SPRYD4: variants seen among roughly 807,000 people sequenced by gnomAD.
The protein encoded by SPRYD4 is SPRY domain containing 4.
Under a neutral mutation model 16.6 loss-of-function variants are expected in SPRYD4, and 12 were observed. That is an observed-to-expected ratio of 0.72 (90% confidence interval 0.46 to 1.17). SPRYD4 has a LOEUF of 1.17. SPRYD4 is among the 50% of genes most tolerant of loss of function. The pLI is 0.00. For synonymous variants in SPRYD4, 98 were observed against 105.4 expected, an observed-to-expected ratio of 0.93 and a Z score of 0.43; for missense variants, 260 against 260.2, an observed-to-expected ratio of 1.00 and a Z score of 0.00.
At position 56,477,392 on chromosome 12, in the gene SPRYD4, T is replaced by C. The variant is rs1013701273; in HGVS notation, c.*7815T>C. The C allele has an allele frequency of 4.9e-5, 16 of 323,708 alleles. No homozygotes were observed. The Admixed American group carries it at 7.2e-4, about 15-fold the overall frequency. 20.1% of individuals were successfully genotyped at this position (323,708 alleles called of 1,614,324 possible). On this transcript the variant is annotated 3_prime_UTR_variant, in exon 2 of 2. Coordinates refer to ENST00000338146, the MANE Select transcript of SPRYD4 (RefSeq NM_207344.4). ...AGGCAGGGGTCAGGACCTGCTCACT[T>C]CTCTAAGGGTCAGAAAGCTCTAGGC...
Position 56,473,854 on chromosome 12 carries a change from T to C in SPRYD4, c.*4277T>C, listed in dbSNP as rs190183162. The C allele has an allele frequency of 8.6e-4, 339 of 393,604 alleles. 1 individual carries two copies. The East Asian group carries it at 0.011, about 13-fold the overall frequency. 24.4% of individuals were successfully genotyped at this position (393,604 alleles called of 1,614,324 possible). On this transcript the variant is annotated 3_prime_UTR_variant, in exon 2 of 2. Coordinates refer to ENST00000338146, the MANE Select transcript of SPRYD4 (RefSeq NM_207344.4). ...GTGCTAGAACTAGGAACTTCCATTC[T>C]GGTGTTAGGAGATAGGTAATAAACA...
At position 56,477,963 on chromosome 12, in the gene SPRYD4, G is replaced by A. The variant is rs750601118; in HGVS notation, c.*8386G>A. 11 of 1,613,862 alleles carry A rather than the reference G, an allele frequency of 6.8e-6. No homozygotes were observed. The highest frequency in any genetic ancestry group is 1.3e-5 in the African/African-American group (1 of 74,948). ...TCATTGAGGGAGAGCTTGTTGTAGC[G>A]CAGGCCACTTGGCTCTTTGCCCACA... On this transcript the variant is annotated 3_prime_UTR_variant, in exon 2 of 2. Coordinates refer to ENST00000338146, the MANE Select transcript of SPRYD4 (RefSeq NM_207344.4).
At position 56,475,811 on chromosome 12, in the gene SPRYD4, C is replaced by A; in HGVS notation, c.*6234C>A. On this transcript the variant is annotated 3_prime_UTR_variant, in exon 2 of 2. Transcript: ENST00000338146. ...TTCCTCTCTGAGGCCAGCAGATTTC[C>A]ACATTTCTGGAAATAAGGCTTCTAG... 2 of 1,410,900 alleles carry A rather than the reference C, an allele frequency of 1.4e-6. No homozygotes were observed. Among genetic ancestry groups the A allele is most frequent in the Non-Finnish European group, 2.0e-6 (2 of 1,000,204 alleles). The allele number at this position is 1,410,900 out of a possible 1,614,324, so 87.4% of individuals were successfully genotyped here.
At position 56,472,003 on chromosome 12, in the gene SPRYD4, G is replaced by C; in HGVS notation, c.*2426G>C. 2 of 1,322,180 alleles carry C rather than the reference G, an allele frequency of 1.5e-6. No individual in the cohort carries two copies. Among genetic ancestry groups the C allele is most frequent in the East Asian group, 2.3e-5 (1 of 43,266 alleles). 81.9% of individuals were successfully genotyped at this position (1,322,180 alleles called of 1,614,324 possible). A position where few individuals can be genotyped will look rare whatever the true frequency, so the allele number is the denominator to read the frequency against. On this transcript the variant is annotated 3_prime_UTR_variant, in exon 2 of 2. Coordinates refer to ENST00000338146, the MANE Select transcript of SPRYD4 (RefSeq NM_207344.4). ...CTAGCTGCAAACCGAAGGGTGTCTA[G>C]ATAAAACTAGTTGCTGCCCCTATAA...
chr12:56,476,060 A>G lies in SPRYD4; in HGVS notation c.*6483A>G. ...GGTCAGAAGGATCTAGTGGAGTTCTAGTGTTAGTCTGGTCCTGCTGCTGCA... is the reference window on the plus strand; with the variant it reads ...GGTCAGAAGGATCTAGTGGAGTTCTGGTGTTAGTCTGGTCCTGCTGCTGCA... On this transcript the variant is annotated 3_prime_UTR_variant, in exon 2 of 2. Coordinates refer to ENST00000338146, the MANE Select transcript of SPRYD4 (RefSeq NM_207344.4). 1 of 1,361,924 alleles carries G rather than the reference A, an allele frequency of 7.3e-7. No individual in the cohort carries two copies. Among genetic ancestry groups the G allele is most frequent in the Non-Finnish European group, 1.0e-6 (1 of 964,406 alleles). 84.4% of individuals were successfully genotyped at this position (1,361,924 alleles called of 1,614,324 possible). A position where few individuals can be genotyped will look rare whatever the true frequency, so the allele number is the denominator to read the frequency against.
chr12:56,475,277 ACACT>A lies in SPRYD4; in HGVS notation c.*5703_*5706del. On this transcript the variant is annotated 3_prime_UTR_variant, in exon 2 of 2. Transcript: ENST00000338146. ...AGAGGAAATTTCTGAACCTGAGCAAACACTCAGCATAGTTTTGTTATAAAGTAAA... is the reference window on the plus strand; with the variant it reads ...AGAGGAAATTTCTGAACCTGAGCAAACAGCATAGTTTTGTTATAAAGTAAA... The A allele has an allele frequency of 6.6e-7, 1 of 1,511,532 alleles. No individual in the cohort carries two copies. The allele number at this position is 1,511,532 out of a possible 1,614,324, so 93.6% of individuals were successfully genotyped here. A position where few individuals can be genotyped will look rare whatever the true frequency, so the allele number is the denominator to read the frequency against.
In SPRYD4 at chr12:56,479,618, G is replaced by T; in HGVS notation, c.*10041G>T. The stretch of plus-strand genomic sequence containing the variant: ...AAAGGAGAACATGTATTTCTATATT[G>T]TTTGAACTCTTATGATGAGTATTCA... On this transcript the variant is annotated 3_prime_UTR_variant, in exon 2 of 2. Coordinates refer to ENST00000338146, the MANE Select transcript of SPRYD4 (RefSeq NM_207344.4). 1.2e-6 allele frequency: 1 copy of T among 817,032 alleles called. No homozygotes were observed. Among genetic ancestry groups the T allele is most frequent in the Non-Finnish European group, 1.7e-6 (1 of 572,988 alleles). 50.6% of individuals were successfully genotyped at this position (817,032 alleles called of 1,614,324 possible). A position where few individuals can be genotyped will look rare whatever the true frequency, so the allele number is the denominator to read the frequency against.
Position 56,479,355 on chromosome 12 carries a change from A to C in SPRYD4, c.*9778A>C. The C allele has an allele frequency of 1.5e-6, 1 of 687,792 alleles. No homozygotes were observed. The allele number at this position is 687,792 out of a possible 1,614,324, so 42.6% of individuals were successfully genotyped here. A position where few individuals can be genotyped will look rare whatever the true frequency, so the allele number is the denominator to read the frequency against. On this transcript the variant is annotated 3_prime_UTR_variant, in exon 2 of 2. Coordinates refer to ENST00000338146, the MANE Select transcript of SPRYD4 (RefSeq NM_207344.4). Reference sequence around the variant, plus strand: ...TCTAGGTCTTAGTTTCCGTACCTCTAAAATGAGGGGTTTTAATGATGTGGA... The same window carrying C: ...TCTAGGTCTTAGTTTCCGTACCTCTCAAATGAGGGGTTTTAATGATGTGGA...
chr12:56,468,884 G>T lies in SPRYD4; in HGVS notation c.86-155G>T. The T allele has an allele frequency of 1.0e-5, 11 of 1,089,178 alleles. No homozygotes were observed. The South Asian group carries it at 1.5e-4, about 15-fold the overall frequency. The allele number at this position is 1,089,178 out of a possible 1,614,324, so 67.5% of individuals were successfully genotyped here. On this transcript the variant is annotated intron_variant, in intron 1 of 1. Transcript: ENST00000338146. Reference sequence around the variant, plus strand: ...AGTTTTTCAGCTCCGTGAGCTATCCGTAGTAAAGCGACCTCGCGACTCTCT... The same window carrying T: ...AGTTTTTCAGCTCCGTGAGCTATCCTTAGTAAAGCGACCTCGCGACTCTCT...
chr12:56,479,551 ATTTAC>A lies in SPRYD4; in HGVS notation c.*9977_*9981del, dbSNP rs1592279532. ...AGAAGATACCCACTAATCTGCTAAT[ATTTAC>A]TTCTGGGAAAAGAGGACAGGGATTG... On this transcript the variant is annotated 3_prime_UTR_variant, in exon 2 of 2. Coordinates refer to ENST00000338146, the MANE Select transcript of SPRYD4 (RefSeq NM_207344.4). 1.3e-5 allele frequency: 6 copies of A among 472,724 alleles called. No homozygotes were observed. The highest frequency in any genetic ancestry group is 1.1e-4 in the East Asian group (3 of 26,858). The allele number at this position is 472,724 out of a possible 1,614,324, so 29.3% of individuals were successfully genotyped here.
Position 56,475,313 on chromosome 12 carries a change from C to A in SPRYD4, c.*5736C>A. 7.6e-7 allele frequency: 1 copy of A among 1,312,000 alleles called. No homozygotes were observed. The highest frequency in any genetic ancestry group is 1.4e-5 in the South Asian group (1 of 69,152). The allele number at this position is 1,312,000 out of a possible 1,614,324, so 81.3% of individuals were successfully genotyped here. On this transcript the variant is annotated 3_prime_UTR_variant, in exon 2 of 2. Coordinates refer to ENST00000338146, the MANE Select transcript of SPRYD4 (RefSeq NM_207344.4). ...AGTTTTGTTATAAAGTAAACCCAAA[C>A]CAAACACCCCAAACTGTCTAGTCAT...
chr12:56,469,364 C>T lies in SPRYD4; in HGVS notation c.411C>T (p.Asn137=), dbSNP rs781718105. 1 of 1,614,078 alleles carries T rather than the reference C, an allele frequency of 6.2e-7. No homozygotes were observed. Among genetic ancestry groups the T allele is most frequent in the Non-Finnish European group, 8.5e-7 (1 of 1,180,022 alleles). ...AQRKWYTMLA[N]EKAPVEGIGQ... ...GCAAGTGGTACACCATGTTGGCCAACGAGAAAGCCCCAGTTGAGGGTATTG... is the reference window on the plus strand; with the variant it reads ...GCAAGTGGTACACCATGTTGGCCAATGAGAAAGCCCCAGTTGAGGGTATTG... Residue 137 remains asparagine (N), a synonymous_variant, in exon 2 of 2, where the codon AAC becomes AAT. Transcript: ENST00000338146.
rs1870007448 is a variant in SPRYD4, at chr12:56,478,350, A to G, written c.*8773A>G. ...GAGGGTCAAGAGAATCTTTTAGATA[A>G]AAGCTAAAATTCTGTCTTCTATAGG... On this transcript the variant is annotated 3_prime_UTR_variant, in exon 2 of 2. Transcript: ENST00000338146. 3 of 1,408,356 alleles carry G rather than the reference A, an allele frequency of 2.1e-6. No homozygotes were observed. Among genetic ancestry groups the G allele is most frequent in the Non-Finnish European group, 3.0e-6 (3 of 1,007,766 alleles). The allele number at this position is 1,408,356 out of a possible 1,614,324, so 87.2% of individuals were successfully genotyped here.
rs751390826 is a variant in SPRYD4, at chr12:56,479,141, G to A, written c.*9564G>A. 8.7e-6 allele frequency: 14 copies of A among 1,613,818 alleles called. No individual in the cohort carries two copies. Among genetic ancestry groups the A allele is most frequent in the East Asian group, 2.2e-5 (1 of 44,888 alleles). On this transcript the variant is annotated 3_prime_UTR_variant, in exon 2 of 2. Transcript: ENST00000338146. ...AAATCAGGAATGACAAACTTCTTTC[G>A]GAATGCCTGGGTCAGGAGCACAATG...
In SPRYD4 at chr12:56,472,678, C is replaced by CCTTCGA. The variant is rs745844095; in HGVS notation, c.*3101_*3102insCTTCGA. ...GTATTTTATTGTGTATATTTGGTCA[C>CCTTCGA]AGTAGCATTACCTTCGAAGAGCTGA... On this transcript the variant is annotated 3_prime_UTR_variant, in exon 2 of 2. Transcript: ENST00000338146. 1.2e-6 allele frequency: 2 copies of CCTTCGA among 1,612,448 alleles called. No individual in the cohort carries two copies. Among genetic ancestry groups the CCTTCGA allele is most frequent in the African/African-American group, 2.7e-5 (2 of 74,988 alleles).
Position 56,474,919 on chromosome 12 carries a change from C to T in SPRYD4, c.*5342C>T, listed in dbSNP as rs1869665550. On this transcript the variant is annotated 3_prime_UTR_variant, in exon 2 of 2. Transcript: ENST00000338146. Reference sequence around the variant, plus strand: ...GCACTGCAAGGAAGAGAGGGGAGAGCATTTCTCTTCAGGACATCAGCCCTT... The same window carrying T: ...GCACTGCAAGGAAGAGAGGGGAGAGTATTTCTCTTCAGGACATCAGCCCTT... 1.2e-6 allele frequency: 2 copies of T among 1,613,958 alleles called. No individual in the cohort carries two copies. The highest frequency in any genetic ancestry group is 1.7e-6 in the Non-Finnish European group (2 of 1,180,020).
rs968200422 is a variant in SPRYD4, at chr12:56,469,703, A to G, written c.*126A>G. On this transcript the variant is annotated 3_prime_UTR_variant, in exon 2 of 2. Transcript: ENST00000338146. ...AATTCAGTGTTGGGTCCTCTGTGCA[A>G]TATCATGATCATCTTCCTCATCCCC... The G allele has an allele frequency of 3.3e-6, 3 of 917,474 alleles. No individual in the cohort carries two copies. Among genetic ancestry groups the G allele is most frequent in the African/African-American group, 1.7e-5 (1 of 59,712 alleles). 56.8% of individuals were successfully genotyped at this position (917,474 alleles called of 1,614,324 possible).
chr12:56,473,419 T>G lies in SPRYD4; in HGVS notation c.*3842T>G. On this transcript the variant is annotated 3_prime_UTR_variant, in exon 2 of 2. Coordinates refer to ENST00000338146, the MANE Select transcript of SPRYD4 (RefSeq NM_207344.4). Reference sequence around the variant, plus strand: ...GTAAAAGTGGTACCATTAAACAAATTTATTGCTTCAAAAATAGTAAGTACT... The same window carrying G: ...GTAAAAGTGGTACCATTAAACAAATGTATTGCTTCAAAAATAGTAAGTACT... 6.2e-7 allele frequency: 1 copy of G among 1,603,992 alleles called. No homozygotes were observed. Among genetic ancestry groups the G allele is most frequent in the Non-Finnish European group, 8.5e-7 (1 of 1,173,858 alleles).
chr12:56,469,143 G>A lies in SPRYD4; in HGVS notation c.190G>A (p.Val64Met), dbSNP rs1180797191. ...CTTGGTGGGATTGGAGCCCACCAAG[G>A]TGGCCTTGAATGTGGAGCGCTTCCG... Reference protein sequence around the residue: ...YGLVGLEPTKVALNVERFREW... With the variant: ...YGLVGLEPTKMALNVERFREW... The change falls in exon 2 of 2, where the codon GTG (valine) becomes ATG (methionine). Residue 64 changes from valine to methionine, a missense_variant. Physicochemically the swap from Val to Met is conservative, Grantham distance 21. Coordinates refer to ENST00000338146, the MANE Select transcript of SPRYD4 (RefSeq NM_207344.4). The A allele has an allele frequency of 1.1e-5, 18 of 1,614,014 alleles. No homozygotes were observed. The highest frequency in any genetic ancestry group is 1.5e-5 in the Non-Finnish European group (18 of 1,180,032).
Sources: gnomAD v4.1 joint callset for allele counts on GRCh38, gnomAD v4.1.1 for gene constraint, MANE v1.5 for transcripts, NCBI Gene and HGNC (gene_info 2026-07-23, HGNC 2026-07-21) for gene names.